RELN: variants seen among roughly 807,000 people sequenced by gnomAD.
RELN encodes reelin.
A neutral mutation model predicts 427.6 loss-of-function variants in RELN; 108 were observed. The ratio of observed to expected loss-of-function variants is 0.25; its 90% CI spans 0.22 to 0.30. The LOEUF is 0.30. Ranked by LOEUF, RELN falls within the 10% of genes least tolerant of loss-of-function variation. The pLI is 1.00. For synonymous variants in RELN, 1,524 were observed against 1,513.4 expected, an observed-to-expected ratio of 1.01 and a Z score of -0.16; for missense variants, 3,715 against 4,302.8, an observed-to-expected ratio of 0.86 and a Z score of 3.82.
rs1375124664 is a variant in RELN at position 103,561,963 on chromosome 7, A to G, written c.5211-10T>C. The G allele has an allele frequency of 7.3e-7, 1 of 1,364,580 alleles. No homozygotes were observed. Among genetic ancestry groups the G allele is most frequent in the Admixed American group, 1.9e-5 (1 of 52,654 alleles). The allele number at this position is 1,364,580 out of a possible 1,614,324, so 84.5% of individuals were successfully genotyped here. A position where few individuals can be genotyped will look rare whatever the true frequency, so the allele number is the denominator to read the frequency against. On this transcript the variant is annotated splice_polypyrimidine_tract_variant and intron_variant, in intron 34 of 64. Transcript: ENST00000428762. ...CCGGGTCCTGGGAGAACTAACCAAAAAAAAAAAAAAAAAAACACACCACTG... is the reference window on the plus strand; with the variant it reads ...CCGGGTCCTGGGAGAACTAACCAAAGAAAAAAAAAAAAAAACACACCACTG...
rs543468489 is a variant in RELN at position 103,805,959 on chromosome 7, T to C, written c.473+27578A>G. Among the ~76,000 whole-genome samples, 43 of 152,080 alleles carry C rather than the reference T, an allele frequency of 2.8e-4. No individual in the cohort carries two copies. In the East Asian group the frequency reaches 8.1e-3, roughly 29 times the overall value. On this transcript the variant is annotated intron_variant, in intron 3 of 64. Coordinates refer to ENST00000428762, the MANE Select transcript of RELN (RefSeq NM_005045.4). ...TTTTTTTTTCACACAAAAGAGAAAA[T>C]ATGTGGAAGAAAACATGAATTTTGA...
chr7:103,481,190 G>A (rs779571866), intron 63 of RELN, among the ~76,000 whole-genome samples: 7 of 152,296 alleles, frequency 4.6e-5, no homozygotes, highest in Non-Finnish European at 8.8e-5. Context: ...CTTAGTATAA[G>A]TGAGGAAATT....
chr7:103,732,604 T>C (rs2299379), intron 6 of RELN, among the ~76,000 whole-genome samples: 74,800 of 151,896 alleles, frequency 0.49, 19,086 homozygotes, highest in Non-Finnish European at 0.57. Flanking sequence ...AAGAGAATAG[T>C]GATCCATGTG....
chr7:103,645,842 G>A (rs1201962648), intron 16 of RELN, among the ~76,000 whole-genome samples: 3 of 151,746 alleles, frequency 2.0e-5, no homozygotes, highest in African/African-American at 7.2e-5. Flanking sequence ...TTTTTCTCAT[G>A]AGTGCATGAA....
chr7:103,722,965 T>C (rs918335280), intron 8 of RELN, among the ~76,000 whole-genome samples, 175 bp downstream of exon 8: 6 of 152,198 alleles, frequency 3.9e-5, no homozygotes, highest in African/African-American at 1.4e-4. Flanking sequence ...GAGAACAGAA[T>C]GTAACATTTA....
chr7:103,492,040 A>C lies in RELN; in HGVS notation c.9370-14T>G, dbSNP rs749931676. The stretch of plus-strand genomic sequence containing the variant: ...ACCCACCACAATCTAAAACAAACAT[A>C]AACAATCAATACACAGGTAAGATTA... On this transcript the variant is annotated splice_polypyrimidine_tract_variant and intron_variant, in intron 57 of 64. Transcript: ENST00000428762. The C allele has an allele frequency of 6.3e-7, 1 of 1,595,306 alleles. No homozygotes were observed. Among genetic ancestry groups the C allele is most frequent in the African/African-American group, 1.5e-5 (1 of 68,926 alleles).
Position 103,589,702 on chromosome 7 carries a change from A to T in RELN, c.4039T>A (p.Cys1347Ser). 1 of 1,614,090 alleles carries T rather than the reference A, an allele frequency of 6.2e-7. No homozygotes were observed. Among genetic ancestry groups the T allele is most frequent in the Non-Finnish European group, 8.5e-7 (1 of 1,179,956 alleles). Reference protein sequence around the residue: ...GCYPASAGKGCEGNSRELSEP... With the variant: ...GCYPASAGKGSEGNSRELSEP... ...CTTAGTTCTCTGGAGTTTCCTTCGC[A>T]TCCTTTGCCTGCAGAAGCCGGGTAA... The change falls in exon 28 of 65, where the codon TGC (cysteine) becomes AGC (serine). Residue 1347 changes from cysteine (C) to serine (S), a missense_variant. Physicochemically the swap from Cys to Ser is moderately radical, Grantham distance 112. This residue lies in a region of RELN where 2,208 missense variants were observed against 2,361.7 expected (regional missense o/e 0.93). Coordinates refer to ENST00000428762, the MANE Select transcript of RELN (RefSeq NM_005045.4).
chr7:103,695,395 T>A (rs1289759832), intron 10 of RELN, among the ~76,000 whole-genome samples: 1 of 152,008 alleles, frequency 6.6e-6, no homozygotes, highest in Non-Finnish European at 1.5e-5. Flanking sequence ...CTACAATGAT[T>A]TTTTTTCCCT....
rs1015815927 is a variant in RELN at position 103,472,219 on chromosome 7, G to A, written c.*593C>T. On this transcript the variant is annotated 3_prime_UTR_variant, in exon 65 of 65. Transcript: ENST00000428762. ...TACATTTTTAAGGAGTATATTAAAGGAGATACAATATCTTTACAACTATCT... is the reference window on the plus strand; with the variant it reads ...TACATTTTTAAGGAGTATATTAAAGAAGATACAATATCTTTACAACTATCT... The A allele has an allele frequency of 6.4e-6, 1 of 156,442 alleles. No homozygotes were observed. Among genetic ancestry groups the A allele is most frequent in the Non-Finnish European group, 1.4e-5 (1 of 70,350 alleles). 9.7% of individuals were successfully genotyped at this position (156,442 alleles called of 1,614,324 possible).
intron 8 of RELN, among the ~76,000 whole-genome samples, chr7:103,711,173 G>A (rs73177983): frequency 2.0e-3 from 298 of 152,338 alleles, no homozygotes; most frequent in Non-Finnish European, 3.5e-3. Flanking sequence ...TGTGATGTTT[G>A]TGGTACAGTC....
At chr7:103,860,038 A>G (rs995814566) in intron 2 of RELN, among the ~76,000 whole-genome samples, 1 of 152,206 alleles carries the variant, frequency 6.6e-6, no homozygotes, top group African/African-American at 2.4e-5. Flanking sequence ...TAGTACAATT[A>G]CTTCTTTTAT....
intron 2 of RELN, among the ~76,000 whole-genome samples, chr7:103,874,864 G>T (rs1794439298): frequency 6.8e-6 from 1 of 147,770 alleles, no homozygotes; most frequent in African/African-American, 2.4e-5. Flanking sequence ...CTACTTTAAA[G>T]TTCATATGGA....
At chr7:103,575,928 A>T (rs1830990676) in intron 28 of RELN, among the ~76,000 whole-genome samples, 1 of 151,456 alleles carries the variant, frequency 6.6e-6, no homozygotes, top group South Asian at 2.1e-4. Context: ...ACCAGGCTGG[A>T]GTGCAGTAGG....
At chr7:103,838,734 C>T (rs556948109) in intron 2 of RELN, among the ~76,000 whole-genome samples, 3 of 152,288 alleles carry the variant, frequency 2.0e-5, no homozygotes, top group African/African-American at 4.8e-5. Context: ...AAGGTTTCAG[C>T]GTTATAGAGC....
At chr7:103,596,339 A>T in intron 25 of RELN, 117 bp downstream of exon 25, 1 of 864,654 alleles carries the variant, frequency 1.2e-6, no homozygotes, top group Non-Finnish European at 1.9e-6. Context: ...CATTCATGTT[A>T]AATTTTTATA....
At chr7:103,736,544 T>A (rs943438779) in intron 6 of RELN, among the ~76,000 whole-genome samples, 1 of 152,182 alleles carries the variant, frequency 6.6e-6, no homozygotes, top group Non-Finnish European at 1.5e-5. Context: ...GTAAGATAAC[T>A]CTTCTTATTT....
chr7:103,630,192 A>T lies in RELN; in HGVS notation c.2466-16T>A. 6.4e-7 allele frequency: 1 copy of T among 1,559,620 alleles called. No individual in the cohort carries two copies. On this transcript the variant is annotated splice_polypyrimidine_tract_variant and intron_variant, in intron 19 of 64. Transcript: ENST00000428762. Reference sequence around the variant, plus strand: ...GGAGATTATTCTAGAGAAAAAAAAAAAGTCAAAATTTAGATTATTTTGGTA... The same window carrying T: ...GGAGATTATTCTAGAGAAAAAAAAATAGTCAAAATTTAGATTATTTTGGTA...
At chr7:103,609,170 C>A (rs375474820) in intron 22 of RELN, among the ~76,000 whole-genome samples, 2 of 149,588 alleles carry the variant, frequency 1.3e-5, no homozygotes. Context: ...CTGCAATGAG[C>A]CAAGGTCGCG....
intron 22 of RELN, among the ~76,000 whole-genome samples, chr7:103,605,707 G>A (rs1381219756): frequency 6.6e-6 from 1 of 152,152 alleles, no homozygotes; most frequent in Non-Finnish European, 1.5e-5. Context: ...AGATACCCTT[G>A]ATCTTAATGA....
Sources: allele counts gnomAD v4.1 joint callset (sites outside exome capture counted in the v4.1 genomes callset), GRCh38; gene constraint gnomAD v4.1.1; regional missense constraint gnomAD v4.1.1; transcripts MANE v1.5; gene names NCBI Gene and HGNC (gene_info 2026-07-23, HGNC 2026-07-21).